CLCNKB: variants seen among roughly 807,000 people sequenced by gnomAD.
The protein encoded by CLCNKB is chloride channel protein ClC-Kb.
Under a neutral mutation model 83.8 loss-of-function variants are expected in CLCNKB, and 74 were observed. That is an observed-to-expected ratio of 0.88 (90% CI 0.73 to 1.07). CLCNKB has a LOEUF of 1.07. CLCNKB is among the 50% of genes least tolerant of loss of function. The pLI is 0.00. For missense variants in CLCNKB, 798 were observed against 893.6 expected (o/e 0.89, Z 1.36); for synonymous variants, 358 against 356.6 (o/e 1.00, Z -0.04).
chr1:16,050,519 G>A lies in CLCNKB; in HGVS notation c.972G>A (p.Lys324=), dbSNP rs2023252909. The A allele has an allele frequency of 6.2e-7, 1 of 1,613,916 alleles. No individual in the cohort carries two copies. The highest frequency in any genetic ancestry group is 1.7e-5 in the Admixed American group (1 of 60,004). The change falls in exon 11 of 20, where the codon AAG becomes AAA. Residue 324 remains lysine (K), a synonymous_variant. Coordinates refer to ENST00000375679, the MANE Select transcript of CLCNKB (RefSeq NM_000085.5). ...RFSSKLLATS[K]PVYSALATLV... ...AGAGCCCACCCATCCCCCACAGCAA[G>A]CCTGTGTACTCCGCTCTGGCCACCT...
At chr1:16,051,106 G>A in intron 12 of CLCNKB, 58 bp downstream of exon 12, 1 of 1,611,632 alleles carries the variant, frequency 6.2e-7, no homozygotes, top group Admixed American at 1.7e-5. Flanking sequence ...GTGGTGGTGG[G>A]GGGTACCTCA....
chr1:16,047,818 C>G (rs974079866), intron 4 of CLCNKB, 87 bp from the exon 5 acceptor site: 3 of 1,440,256 alleles, frequency 2.1e-6, no homozygotes, highest in African/African-American at 2.8e-5. Context: ...CTGGCGAGAT[C>G]GTAATGTGAA....
chr1:16,056,845 C>T, intron 19 of CLCNKB, 24 bp from the exon 20 acceptor site: 1 of 1,183,730 alleles, frequency 8.4e-7, no homozygotes, highest in Non-Finnish European at 1.2e-6. Flanking sequence ...CCCCCCGCAC[C>T]TCCACCCCCT....
intron 4 of CLCNKB, 72 bp downstream of exon 4, chr1:16,046,735 G>A: frequency 6.3e-7 from 1 of 1,582,744 alleles, no homozygotes; most frequent in South Asian, 1.1e-5. Context: ...AGTCGGGAAG[G>A]GGCAGCCTCA....
chr1:16,048,390 T>C lies in CLCNKB; in HGVS notation c.546T>C (p.Arg182=). Reference sequence around the variant, plus strand: ...TGATGATGGCTGCCTACCTGGGCCGTGTGCGCACCACGACCATCGGGGAGC... The same window carrying C: ...TGATGATGGCTGCCTACCTGGGCCGCGTGCGCACCACGACCATCGGGGAGC... ...LSVMMAAYLG[R]VRTTTIGEPE... Residue 182 remains arginine (R), a synonymous_variant, in exon 6 of 20, where the codon CGT becomes CGC. Transcript: ENST00000375679. The C allele has an allele frequency of 3.1e-6, 5 of 1,613,906 alleles. No homozygotes were observed. Among genetic ancestry groups the C allele is most frequent in the Non-Finnish European group, 4.2e-6 (5 of 1,179,986 alleles).
At chr1:16,054,382 C>T (rs1030990786) in intron 16 of CLCNKB, among the ~76,000 whole-genome samples, 1 of 152,168 alleles carries the variant, frequency 6.6e-6, no homozygotes, top group Non-Finnish European at 1.5e-5. Context: ...GGATTTTGGT[C>T]TCCACTTGCA....
intron 12 of CLCNKB, 136 bp from the exon 13 acceptor site, chr1:16,051,342 C>A: frequency 1.7e-5 from 21 of 1,208,630 alleles, no homozygotes; most frequent in Non-Finnish European, 2.4e-5. Context: ...TCCCCTAATG[C>A]CAGACTCTGG....
At chr1:16,055,654 G>T (rs1326669979) in intron 17 of CLCNKB, 21 bp from the exon 18 acceptor site, 1 of 1,613,238 alleles carries the variant, frequency 6.2e-7, no homozygotes, top group Non-Finnish European at 8.5e-7. Flanking sequence ...CCCTGCACCT[G>T]TAACCCTTCC....
chr1:16,050,019 C>CCTATG, intron 10 of CLCNKB, 103 bp downstream of exon 10: 11 of 341,360 alleles, frequency 3.2e-5, no homozygotes, highest in African/African-American at 3.0e-5. Flanking sequence ...GCCCCTAAAG[C>CCTATG]CCATCCTAGC....
chr1:16,048,229 C>T (rs2023161441), intron 5 of CLCNKB, 114 bp from the exon 6 acceptor site: 1 of 1,476,468 alleles, frequency 6.8e-7, no homozygotes, highest in South Asian at 1.2e-5. Flanking sequence ...CTGAGGACGG[C>T]CGTGGGGGCT....
At chr1:16,052,446 G>A (rs768999945) in intron 15 of CLCNKB, 35 bp downstream of exon 15, 1 of 1,600,938 alleles carries the variant, frequency 6.2e-7, no homozygotes, top group Non-Finnish European at 8.5e-7. Flanking sequence ...ACTGAAGGGG[G>A]TCACAGTGTT....
chr1:16,047,426 T>C (rs2023133690), intron 4 of CLCNKB, among the ~76,000 whole-genome samples: 1 of 148,662 alleles, frequency 6.7e-6, no homozygotes, highest in South Asian at 2.2e-4. Context: ...GTCTGGGGGA[T>C]AGAGTGAGAC....
chr1:16,048,977 C>CT (rs1352675130), intron 7 of CLCNKB, 143 bp from the exon 8 acceptor site: 2 of 1,564,924 alleles, frequency 1.3e-6, no homozygotes, highest in Non-Finnish European at 1.7e-6. Context: ...GGCGCATGCC[C>CT]TGCCCTCCCC....
chr1:16,050,882 T>C lies in CLCNKB; in HGVS notation c.1061T>C (p.Met354Thr). ...AGRFLASRLS[M>T]KQHLDSLFDN... ...CCACCTGCCCCGCCACAGCTGTCCA[T>C]GAAGCAGCATCTGGACTCGCTGTTC... The change falls in exon 12 of 20, where the codon ATG (methionine) becomes ACG (threonine). Residue 354 changes from methionine to threonine, a missense_variant. By Grantham distance (81) the Met-to-Thr change is moderately conservative. Coordinates refer to ENST00000375679, the MANE Select transcript of CLCNKB (RefSeq NM_000085.5). The C allele has an allele frequency of 1.2e-6, 2 of 1,611,982 alleles. No individual in the cohort carries two copies. Among genetic ancestry groups the C allele is most frequent in the East Asian group, 2.2e-5 (1 of 44,882 alleles).
In CLCNKB at chr1:16,044,527, C is replaced by T. The variant is rs2023036588; in HGVS notation, c.35C>T (p.Ser12Leu). The part of the protein sequence containing the change: ...EEFVGLREGS[S>L]GNPVTLQELW... Reference sequence around the variant, plus strand: ...TTTGTGGGGCTGCGTGAAGGCTCCTCAGGGAACCCTGTGACTCTGCAGGAG... The same window carrying T: ...TTTGTGGGGCTGCGTGAAGGCTCCTTAGGGAACCCTGTGACTCTGCAGGAG... The change falls in exon 2 of 20, where the codon TCA (serine) becomes TTA (leucine). Residue 12 changes from serine to leucine, a missense_variant. Coordinates refer to ENST00000375679, the MANE Select transcript of CLCNKB (RefSeq NM_000085.5). The T allele has an allele frequency of 8.7e-6, 14 of 1,606,940 alleles. No individual in the cohort carries two copies. The highest frequency in any genetic ancestry group is 1.2e-5 in the Non-Finnish European group (14 of 1,177,508).
In CLCNKB at chr1:16,048,029, C is replaced by A. The variant is rs1335350879; in HGVS notation, c.483C>A (p.Leu161=). 1.2e-6 allele frequency: 2 copies of A among 1,613,932 alleles called. No homozygotes were observed. The highest frequency in any genetic ancestry group is 1.7e-6 in the Non-Finnish European group (2 of 1,179,942). ...LSCTLACGST[L]FLGKVGPFVH... ...GCACCCTGGCCTGTGGCAGCACCCTCTTCCTCGGGAAAGTGGTATGGGCAG... is the reference window on the plus strand; with the variant it reads ...GCACCCTGGCCTGTGGCAGCACCCTATTCCTCGGGAAAGTGGTATGGGCAG... Residue 161 remains leucine, a synonymous_variant, in exon 5 of 20, where the codon CTC becomes CTA. Transcript: ENST00000375679.
intron 15 of CLCNKB, 22 bp from the exon 16 acceptor site, chr1:16,053,617 A>G: frequency 1.2e-6 from 2 of 1,613,718 alleles, no homozygotes; most frequent in Non-Finnish European, 1.7e-6. Context: ...GTGGGGCCTG[A>G]TGGGAGCCCC....
At position 16,049,216 on chromosome 1, in the gene CLCNKB, G is replaced by C. The variant is rs370688425; in HGVS notation, c.752G>C (p.Arg251Pro). The change falls in exon 8 of 20, where the codon CGG becomes CCG. Residue 251 changes from arginine to proline, a missense_variant. Transcript: ENST00000375679. The part of the protein sequence containing the change: ...FAATCGAFMF[R>P]LLAVFNSEQE... ...GCCACCTGCGGGGCCTTCATGTTCC[G>C]GCTCCTGGCGGTCTTCAACAGCGAG... 2 of 1,613,790 alleles carry C rather than the reference G, an allele frequency of 1.2e-6. No individual in the cohort carries two copies. The highest frequency in any genetic ancestry group is 1.7e-6 in the Non-Finnish European group (2 of 1,179,970).
At chr1:16,053,602 T>C (rs765094349) in intron 15 of CLCNKB, 37 bp from the exon 16 acceptor site, 36 of 1,613,470 alleles carry the variant, frequency 2.2e-5, no homozygotes, top group Admixed American at 5.0e-5. Context: ...CTCACATCCC[T>C]GACTGTGGGG....
Sources: allele counts gnomAD v4.1 joint callset (sites outside exome capture counted in the v4.1 genomes callset), GRCh38; gene constraint gnomAD v4.1.1; transcripts MANE v1.5; gene names NCBI Gene and HGNC (gene_info 2026-07-23, HGNC 2026-07-21).